Variants in FOXP2 observed in about 807,000 individuals in gnomAD.
FOXP2 encodes the protein forkhead box protein P2.
Under a neutral mutation model 115.8 loss-of-function variants are expected in FOXP2, and 12 were observed. The observed-to-expected ratio is 0.10, with a 90% CI of 0.07 to 0.17. FOXP2 has a LOEUF of 0.17. Ranked by LOEUF, FOXP2 falls within the 10% of genes least tolerant of loss-of-function variation. The pLI is 1.00. For synonymous variants in FOXP2, 328 were observed against 297.7 expected (o/e 1.10, Z -1.05); for missense variants, 629 against 843.5 (o/e 0.75, Z 3.15).
At chr7:114,303,642 C>T (rs1376949890) in intron 2 of FOXP2, among the ~76,000 whole-genome samples, 3 of 152,068 alleles carry the variant, frequency 2.0e-5, no homozygotes, top group Non-Finnish European at 4.4e-5. Flanking sequence ...TCACCATTTT[C>T]TATTTGTTGT....
chr7:114,432,758 GAAGT>G lies in FOXP2; in HGVS notation c.168+6080_168+6083del, dbSNP rs934636994. Among the ~76,000 whole-genome samples, 25 of 151,846 alleles carry G rather than the reference GAAGT, an allele frequency of 1.6e-4. 1 individual carries two copies. Among genetic ancestry groups the G allele is most frequent in the Non-Finnish European group, 5.9e-5 (4 of 67,870 alleles). On this transcript the variant is annotated intron_variant, in intron 2 of 16. Transcript: ENST00000350908. ...TTTACTGTTTTCAGTAATCCCTAAAGAAGTGTACACTTGGCCTGACATATAGAGT... is the reference window on the plus strand; with the variant it reads ...TTTACTGTTTTCAGTAATCCCTAAAGGTACACTTGGCCTGACATATAGAGT...
At chr7:114,223,501 T>A (rs1563012083) in intron 1 of FOXP2, among the ~76,000 whole-genome samples, 2 of 147,280 alleles carry the variant, frequency 1.4e-5, no homozygotes, top group South Asian at 2.1e-4. Flanking sequence ...ATATATATAT[T>A]ATATATAATA....
At chr7:114,495,691 G>C (rs10255704) in intron 2 of FOXP2, among the ~76,000 whole-genome samples, 1 of 151,614 alleles carries the variant, frequency 6.6e-6, no homozygotes, top group South Asian at 2.1e-4. Flanking sequence ...ATTTTTAGTA[G>C]AGACAGGTTT....
intron 3 of FOXP2, among the ~76,000 whole-genome samples, chr7:114,607,140 A>G (rs1418854875): frequency 6.6e-6 from 1 of 152,192 alleles, no homozygotes. Context: ...CTGGGCTAGT[A>G]TCTGTTTATT....
At chr7:114,501,847 ATACTT>A (rs558763391) in intron 2 of FOXP2, among the ~76,000 whole-genome samples, 1 of 152,188 alleles carries the variant, frequency 6.6e-6, no homozygotes, top group African/African-American at 2.4e-5. Context: ...ATTTGAGAAA[ATACTT>A]TAATTTTATA....
chr7:114,617,417 C>A (rs1804007839), intron 3 of FOXP2, among the ~76,000 whole-genome samples: 1 of 152,182 alleles, frequency 6.6e-6, no homozygotes, highest in South Asian at 2.1e-4. Flanking sequence ...AGCATTGTTG[C>A]CACGAATATT....
At chr7:114,351,261 C>A (rs908598190) in intron 2 of FOXP2, among the ~76,000 whole-genome samples, 6 of 151,986 alleles carry the variant, frequency 3.9e-5, no homozygotes, top group African/African-American at 1.4e-4. Context: ...GAATAAAGAA[C>A]AATTTATACT....
Position 114,613,636 on chromosome 7 carries a change from C to T in FOXP2, c.259-14904C>T, listed in dbSNP as rs181310947. 5.8e-3 allele frequency among the ~76,000 whole-genome samples: 875 copies of T among 150,128 alleles called. 7 individuals carry two copies. The highest frequency in any genetic ancestry group is 0.02 in the African/African-American group (811 of 40,746). Reference sequence around the variant, plus strand: ...GTTGCAGTGAGCCTAGATCGCACCACTGCACTCCAGCCTGGGCGACAGAGC... The same window carrying T: ...GTTGCAGTGAGCCTAGATCGCACCATTGCACTCCAGCCTGGGCGACAGAGC... On this transcript the variant is annotated intron_variant, in intron 3 of 16. Coordinates refer to ENST00000350908, the MANE Select transcript of FOXP2 (RefSeq NM_014491.4).
intron 2 of FOXP2, among the ~76,000 whole-genome samples, chr7:114,482,373 G>A (rs542921839): frequency 2.6e-5 from 4 of 151,532 alleles, no homozygotes; most frequent in South Asian, 2.1e-4. Flanking sequence ...TTTAAAGATA[G>A]CAGTTTGCTC....
chr7:114,519,717 G>C (rs926422575), intron 2 of FOXP2, among the ~76,000 whole-genome samples: 1 of 152,034 alleles, frequency 6.6e-6, no homozygotes, highest in Non-Finnish European at 1.5e-5. Context: ...CTTTGAGGGG[G>C]GCAGCAAAAT....
intron 3 of FOXP2, among the ~76,000 whole-genome samples, chr7:114,536,497 A>G (rs534861521): frequency 5.6e-4 from 85 of 150,600 alleles, no homozygotes; most frequent in African/African-American, 1.9e-3. Flanking sequence ...AATACCCACA[A>G]TAGAATGTGG....
At chr7:114,571,923 G>T (rs1279865058) in intron 3 of FOXP2, among the ~76,000 whole-genome samples, 1 of 151,382 alleles carries the variant, frequency 6.6e-6, no homozygotes, top group Non-Finnish European at 1.5e-5. Context: ...AGGCTCAATG[G>T]GCTAGAGTAT....
intron 2 of FOXP2, among the ~76,000 whole-genome samples, chr7:114,332,582 T>C (rs115404760): frequency 0.02 from 3,028 of 152,306 alleles, 105 homozygotes; most frequent in African/African-American, 0.069. Flanking sequence ...TCACATACTG[T>C]ATTTTATTTG....
chr7:114,634,734 A>G (rs74834443), intron 6 of FOXP2, among the ~76,000 whole-genome samples: 4,204 of 152,176 alleles, frequency 0.028, 83 homozygotes, highest in Non-Finnish European at 0.039. Context: ...TATGAATAAC[A>G]TAGTTTATAT....
intron 1 of FOXP2, among the ~76,000 whole-genome samples, chr7:114,277,018 G>A (rs1266745739): frequency 6.6e-6 from 1 of 152,104 alleles, no homozygotes; most frequent in Non-Finnish European, 1.5e-5. Context: ...ACAGCATTAA[G>A]ATTGCCTAAA....
chr7:114,580,588 A>T (rs1243362215), intron 3 of FOXP2, among the ~76,000 whole-genome samples: 1 of 152,154 alleles, frequency 6.6e-6, no homozygotes, highest in Non-Finnish European at 1.5e-5. Flanking sequence ...CTCAAAACAA[A>T]AACAAAAACA....
chr7:114,328,148 GGCTC>G (rs1797604269), intron 2 of FOXP2, among the ~76,000 whole-genome samples: 2 of 150,374 alleles, frequency 1.3e-5, no homozygotes, highest in Non-Finnish European at 3.0e-5. Context: ...TCAACTCTTG[GGCTC>G]AAATGAGCCT....
intron 3 of FOXP2, among the ~76,000 whole-genome samples, chr7:114,576,320 A>C (rs1344664859): frequency 6.6e-6 from 1 of 151,808 alleles, no homozygotes; most frequent in Non-Finnish European, 1.5e-5. Context: ...TCTCAGCTGG[A>C]ATGTAAGCTC....
intron 2 of FOXP2, chr7:114,499,139 A>C: frequency 4.0e-6 from 2 of 505,866 alleles, no homozygotes; most frequent in Non-Finnish European, 7.0e-6. Flanking sequence ...GGCCTAGAAG[A>C]AATGAACTAC....
Sources: gnomAD v4.1 joint callset for allele counts (sites outside exome capture counted in the v4.1 genomes callset) on GRCh38, gnomAD v4.1.1 for gene constraint, MANE v1.5 for transcripts, NCBI Gene and HGNC (gene_info 2026-07-23, HGNC 2026-07-21) for gene names.